UGT1A3: variants seen among roughly 807,000 people sequenced by gnomAD.
UGT1A3 encodes UDP glucuronosyltransferase family 1 member A3, also known as UDP-glucuronosyltransferase 1A3.
Under a neutral mutation model 41.0 loss-of-function variants are expected in UGT1A3, and 31 were observed. That is an observed-to-expected ratio of 0.76 (90% CI 0.57 to 1.02). The LOEUF is 1.02. Among genes scored for constraint, UGT1A3 ranks in the 50% least tolerant of loss-of-function variants. The probability of loss-of-function intolerance (pLI) is 0.00; values close to 1 mark genes in which losing one functional copy is unlikely to be tolerated. For synonymous variants in UGT1A3, 262 were observed against 257.6 expected, an observed-to-expected ratio of 1.02 and a Z score of -0.17; for missense variants, 737 against 671.0, an observed-to-expected ratio of 1.10 and a Z score of -1.09.
In UGT1A3 at chr2:233,769,623, G is replaced by A. The variant is rs1699907575; in HGVS notation, c.1307+1184G>A. The A allele has an allele frequency of 6.2e-7, 1 of 1,612,212 alleles. No homozygotes were observed. Among genetic ancestry groups the A allele is most frequent in the Non-Finnish European group, 8.5e-7 (1 of 1,179,652 alleles). On this transcript the variant is annotated intron_variant, in intron 4 of 4. Transcript: ENST00000482026. This position sits in a 1 kb window ranked among gnomAD's most constrained non-coding sequence, Gnocchi z 4.4. Reference sequence around the variant, plus strand: ...ACGGGGACACACCAGCTTGAGCAAGGGACAACAGGGGAGGACTGATGACTG... The same window carrying A: ...ACGGGGACACACCAGCTTGAGCAAGAGACAACAGGGGAGGACTGATGACTG...
chr2:233,744,104 G>T (rs1183907106), intron 1 of UGT1A3: 22 of 400,806 alleles, frequency 5.5e-5, no homozygotes, highest in Non-Finnish European at 4.5e-6. Context: ...TCTGGGACTG[G>T]CCCTGCTCTC....
Position 233,745,246 on chromosome 2 carries a change from G to A in UGT1A3, c.867+15253G>A, listed in dbSNP as rs148872010. Among the ~76,000 whole-genome samples, 467 of 151,884 alleles carry A rather than the reference G, an allele frequency of 3.1e-3. 15 individuals are homozygous for A. The highest frequency in any genetic ancestry group is 0.011 in the African/African-American group (453 of 41,220). ...GAAATACAGCACTATTTACTGTATCGAAACCATTAAGACTTGCAGGCCGTG... is the reference window on the plus strand; with the variant it reads ...GAAATACAGCACTATTTACTGTATCAAAACCATTAAGACTTGCAGGCCGTG... On this transcript the variant is annotated intron_variant, in intron 1 of 4. Coordinates refer to ENST00000482026, the MANE Select transcript of UGT1A3 (RefSeq NM_019093.4).
intron 1 of UGT1A3, chr2:233,747,764 C>G: frequency 6.2e-7 from 1 of 1,613,426 alleles, no homozygotes; most frequent in Non-Finnish European, 8.5e-7. Context: ...ACTTTAAGGG[C>G]ACACAGTGTC....
rs1390329998 is a variant in UGT1A3 at position 233,760,823 on chromosome 2, T to A, written c.868-6211T>A. 6.2e-7 allele frequency: 1 copy of A among 1,613,528 alleles called. No homozygotes were observed. Among genetic ancestry groups the A allele is most frequent in the East Asian group, 2.2e-5 (1 of 44,862 alleles). On this transcript the variant is annotated intron_variant, in intron 1 of 4. Coordinates refer to ENST00000482026, the MANE Select transcript of UGT1A3 (RefSeq NM_019093.4). ...TTCTTGCATGCACTGCCATGCAGCC[T>A]GGAATTTGAGGCTACCCAGTGCCCC...
intron 1 of UGT1A3, 105 bp from the exon 2 acceptor site, chr2:233,766,928 CT>C: frequency 6.3e-7 from 1 of 1,578,028 alleles, no homozygotes; most frequent in Non-Finnish European, 8.6e-7. Flanking sequence ...ACACGCATGC[CT>C]TTAATCATAG....
intron 4 of UGT1A3, chr2:233,770,251 G>A (rs1382246266): frequency 6.6e-6 from 1 of 152,150 alleles, no homozygotes; most frequent in Non-Finnish European, 1.5e-5. Flanking sequence ...CCAACACTCT[G>A]AGCTGGGGAT....
At chr2:233,755,578 G>A (rs931050095) in intron 1 of UGT1A3, 38 of 160,002 alleles carry the variant, frequency 2.4e-4, no homozygotes, top group Non-Finnish European at 4.7e-4. Flanking sequence ...GGAAAAGAGA[G>A]GGCCTTGACT....
intron 1 of UGT1A3, among the ~76,000 whole-genome samples, chr2:233,758,754 A>G (rs888171679): frequency 2.0e-5 from 3 of 152,132 alleles, no homozygotes; most frequent in African/African-American, 7.2e-5. Context: ...CTGGCCAGTG[A>G]TGTGTATGGT....
chr2:233,764,410 G>T (rs1287852484), intron 1 of UGT1A3, among the ~76,000 whole-genome samples: 1 of 152,152 alleles, frequency 6.6e-6, no homozygotes, highest in Non-Finnish European at 1.5e-5. Context: ...TCTGCAGTTT[G>T]CCCTGCGTGA....
At chr2:233,747,339 C>CA (rs1401880990) in intron 1 of UGT1A3, 116 of 1,603,228 alleles carry the variant, frequency 7.2e-5, no homozygotes, top group South Asian at 2.9e-4. Context: ...GCCACTGGCT[C>CA]GCATGCGGGA....
intron 1 of UGT1A3, among the ~76,000 whole-genome samples, chr2:233,745,269 G>A (rs528500230): frequency 2.6e-5 from 4 of 151,940 alleles, no homozygotes; most frequent in Admixed American, 2.6e-4. Context: ...CTTGCAGGCC[G>A]TGTGTATAGC....
chr2:233,731,298 T>TA (rs199583438), intron 1 of UGT1A3, among the ~76,000 whole-genome samples: 1 of 149,198 alleles, frequency 6.7e-6, no homozygotes, highest in Non-Finnish European at 1.5e-5. Context: ...TTTTTTTTTT[T>TA]ATTATACTTT....
chr2:233,772,410 C>A lies in UGT1A3; in HGVS notation c.1456C>A (p.Gln486Lys). ...CGCAGCCCACGACCTCACCTGGTAC[C>A]AGTACCATTCCTTGGACGTGATTGG... Reference protein sequence around the residue: ...RPAAHDLTWYQYHSLDVIGFL... With the variant: ...RPAAHDLTWYKYHSLDVIGFL... Residue 486 changes from glutamine to lysine, a missense_variant, in exon 5 of 5, where the codon CAG becomes AAG. Coordinates refer to ENST00000482026, the MANE Select transcript of UGT1A3 (RefSeq NM_019093.4). 1 of 1,614,220 alleles carries A rather than the reference C, an allele frequency of 6.2e-7. No homozygotes were observed. The highest frequency in any genetic ancestry group is 8.5e-7 in the Non-Finnish European group (1 of 1,180,040).
intron 1 of UGT1A3, among the ~76,000 whole-genome samples, chr2:233,738,054 T>A (rs1271944980): frequency 6.6e-6 from 1 of 152,146 alleles, no homozygotes; most frequent in African/African-American, 2.4e-5. Flanking sequence ...GGACAGGACA[T>A]GGTGGGAGGT....
intron 1 of UGT1A3, chr2:233,755,246 CAGCACCTCGTAGT>C (rs1394904352): frequency 2.4e-6 from 2 of 850,962 alleles, no homozygotes; most frequent in Non-Finnish European, 3.5e-6. Flanking sequence ...GGGGTACTCC[CAGCACCTCGTAGT>C]AGTCCACTAT....
chr2:233,757,465 C>G (rs1305238385), intron 1 of UGT1A3, among the ~76,000 whole-genome samples: 7 of 149,236 alleles, frequency 4.7e-5, no homozygotes, highest in Non-Finnish European at 5.9e-5. Flanking sequence ...AGAGCGCTTA[C>G]TGTCTCCAAA....
chr2:233,743,842 C>T (rs1312488571), intron 1 of UGT1A3: 2 of 1,367,178 alleles, frequency 1.5e-6, no homozygotes, highest in Admixed American at 3.8e-5. Flanking sequence ...TGAGCGCCAG[C>T]TTGCGGTACG....
chr2:233,762,815 T>C (rs1334118608), intron 1 of UGT1A3, among the ~76,000 whole-genome samples: 4 of 152,182 alleles, frequency 2.6e-5, no homozygotes, highest in Non-Finnish European at 5.9e-5. Flanking sequence ...ATCAAAATAT[T>C]GATTTTCATA....
intron 1 of UGT1A3, among the ~76,000 whole-genome samples, chr2:233,757,936 C>A (rs1430982400): frequency 6.6e-6 from 1 of 152,072 alleles, no homozygotes; most frequent in African/African-American, 2.4e-5. Context: ...AAAGCAAGAC[C>A]ATCATATTGC....
Sources: allele counts gnomAD v4.1 joint callset (sites outside exome capture counted in the v4.1 genomes callset), GRCh38; gene constraint gnomAD v4.1.1; non-coding constraint Gnocchi (gnomAD v3.1); transcripts MANE v1.5; gene names NCBI Gene and HGNC (gene_info 2026-07-23, HGNC 2026-07-21).